ALG8: variants seen among roughly 807,000 people sequenced by gnomAD.
ALG8 encodes the protein ALG8 alpha-1,3-glucosyltransferase.
Under a neutral mutation model 70.2 loss-of-function variants are expected in ALG8, and 48 were observed. The observed-to-expected ratio is 0.68, with a 90% CI of 0.54 to 0.87. ALG8 has a LOEUF of 0.87. Among genes scored for constraint, ALG8 ranks in the 40% least tolerant of loss-of-function variants. The probability of loss-of-function intolerance (pLI) is 0.00; values close to 1 mark genes in which losing one functional copy is unlikely to be tolerated. For missense variants in ALG8, 572 were observed against 608.7 expected, an observed-to-expected ratio of 0.94 and a Z score of 0.64; for synonymous variants, 234 against 229.0, an observed-to-expected ratio of 1.02 and a Z score of -0.20.
rs769408198 is a variant in ALG8, at chr11:78,112,741, G to C, written c.807C>G (p.Leu269=). 9.3e-6 allele frequency: 15 copies of C among 1,613,894 alleles called. No individual in the cohort carries two copies. The highest frequency in any genetic ancestry group is 1.3e-5 in the African/African-American group (1 of 74,946). ...GACAGAGGCCCCTCTTGAAAGGAAA[G>C]AGTCGGGAAAAGACTTGAGGCAGCT... is the stretch of plus-strand genomic sequence containing the variant. ...LNQLPQVFSR[L]FPFKRGLCHA... is the part of the protein sequence containing the mutation. Residue 269 remains leucine (L), a synonymous_variant, in exon 8 of 13, where the codon CTC becomes CTG. Coordinates refer to ENST00000299626, the MANE Select transcript of ALG8 (RefSeq NM_024079.5).
chr11:78,104,293 CTGT>C, intron 11 of ALG8, 60 bp downstream of exon 11: 1 of 1,399,374 alleles, frequency 7.1e-7, no homozygotes, highest in African/African-American at 1.5e-5. Context: ...ATGTATTAAT[CTGT>C]GGGCCTCGAT....
chr11:78,109,618 C>A, intron 8 of ALG8, 37 bp from the exon 9 acceptor site: 1 of 1,572,988 alleles, frequency 6.4e-7, no homozygotes. Context: ...TTATTTTTAT[C>A]TTTATTACTG....
At chr11:78,103,156 T>C (rs1463716161) in intron 12 of ALG8, among the ~76,000 whole-genome samples, 2 of 151,598 alleles carry the variant, frequency 1.3e-5, no homozygotes, top group Non-Finnish European at 2.9e-5. Context: ...AGAAACCCCA[T>C]CTCTAATAAA....
At chr11:78,109,421 C>T (rs775300260) in intron 9 of ALG8, 21 bp downstream of exon 9, 22 of 1,613,880 alleles carry the variant, frequency 1.4e-5, no homozygotes, top group Admixed American at 1.2e-4. Flanking sequence ...AAGAAATGAG[C>T]ACCATCTGTT....
chr11:78,128,917 T>C (rs998430686), intron 1 of ALG8, among the ~76,000 whole-genome samples: 5 of 151,688 alleles, frequency 3.3e-5, no homozygotes, highest in Non-Finnish European at 7.4e-5. Context: ...CCTGGCCTAC[T>C]CCCAAATTTC....
intron 1 of ALG8, 151 bp downstream of exon 1, chr11:78,139,343 C>G (rs2136958898): frequency 1.3e-6 from 1 of 796,614 alleles, no homozygotes; most frequent in South Asian, 1.6e-5. Context: ...CAAGTAACAA[C>G]TGGCGAAACA....
rs772466059 is a variant in ALG8 at position 78,124,047 on chromosome 11, A to C, written c.342T>G (p.Asp114Glu). 6.2e-7 allele frequency: 1 copy of C among 1,614,084 alleles called. No homozygotes were observed. Among genetic ancestry groups the C allele is most frequent in the Non-Finnish European group, 8.5e-7 (1 of 1,180,046 alleles). The change falls in exon 3 of 13, where the codon GAT (aspartate) becomes GAG (glutamate). Residue 114 changes from aspartate (D) to glutamate (E), a missense_variant. By Grantham distance (45) the Asp-to-Glu change is conservative. Coordinates refer to ENST00000299626, the MANE Select transcript of ALG8 (RefSeq NM_024079.5). ...LFQRFSVIFM[D>E]VLFVYAVREC... is the part of the protein sequence containing the mutation. ...CACGGACAGCATACACAAAGAGTAC[A>C]TCCATAAAGATGACGGAAAATCTCT...
chr11:78,109,348 C>T (rs886771206), intron 9 of ALG8, 94 bp downstream of exon 9: 4 of 1,526,308 alleles, frequency 2.6e-6, no homozygotes, highest in Non-Finnish European at 3.6e-6. Flanking sequence ...ATTTATCCTA[C>T]AGTTGGAAGA....
intron 3 of ALG8, among the ~76,000 whole-genome samples, chr11:78,122,633 T>C (rs1054064785): frequency 3.0e-4 from 46 of 152,156 alleles, no homozygotes; most frequent in African/African-American, 9.7e-4. Context: ...TGAGACACTA[T>C]GCCTGGCCTT....
At chr11:78,102,641 A>G (rs983007424) in intron 12 of ALG8, among the ~76,000 whole-genome samples, 17 of 152,190 alleles carry the variant, frequency 1.1e-4, no homozygotes, top group African/African-American at 3.9e-4. Context: ...ACAGTTATGA[A>G]CCATAAGCAA....
At chr11:78,124,352 C>T in intron 2 of ALG8, 138 bp from the exon 3 acceptor site, 1 of 837,166 alleles carries the variant, frequency 1.2e-6, no homozygotes, top group Non-Finnish European at 1.9e-6. Context: ...CCTGTAACCC[C>T]AGCACTTTGG....
At chr11:78,114,159 CTGAGA>C in intron 6 of ALG8, 102 bp downstream of exon 6, 1 of 1,483,694 alleles carries the variant, frequency 6.7e-7, no homozygotes, top group Non-Finnish European at 9.3e-7. Flanking sequence ...GGATTAGCAG[CTGAGA>C]TATCTGCTGT....
intron 3 of ALG8, 142 bp from the exon 4 acceptor site, chr11:78,121,316 T>C: frequency 1.4e-6 from 1 of 711,184 alleles, no homozygotes; most frequent in South Asian, 1.6e-5. Flanking sequence ...AATTTTTCTT[T>C]TTCTTTTTTT....
rs1860804522 is a variant in ALG8, at chr11:78,121,147, T to C, written c.396A>G (p.Lys132=). ...GCTTTTCTGTAAGTTCTTTACCCACTTTTTTTCCATCAATGCATTTACAGC... is the reference window on the plus strand; with the variant it reads ...GCTTTTCTGTAAGTTCTTTACCCACCTTTTTTCCATCAATGCATTTACAGC... The part of the protein sequence containing the change: ...RECCKCIDGK[K]VGKELTEKPK... The change falls in exon 4 of 13, where the codon AAA becomes AAG. Residue 132 remains lysine (K), a synonymous_variant. Transcript: ENST00000299626. 6.2e-7 allele frequency: 1 copy of C among 1,612,236 alleles called. No homozygotes were observed. The highest frequency in any genetic ancestry group is 8.5e-7 in the Non-Finnish European group (1 of 1,178,836).
chr11:78,110,802 T>C (rs370133706), intron 8 of ALG8, among the ~76,000 whole-genome samples: 140 of 152,294 alleles, frequency 9.2e-4, no homozygotes, highest in African/African-American at 3.2e-3. Flanking sequence ...TACTAACCTC[T>C]TCCCCTTTCC....
chr11:78,111,753 C>T (rs1337898875), intron 8 of ALG8, among the ~76,000 whole-genome samples: 3 of 152,146 alleles, frequency 2.0e-5, no homozygotes, highest in Non-Finnish European at 2.9e-5. Flanking sequence ...TCCCACCAAG[C>T]TAGATTGTAT....
chr11:78,106,933 C>T lies in ALG8; in HGVS notation c.1052G>A (p.Cys351Tyr), dbSNP rs1465272171. 6.2e-7 allele frequency: 1 copy of T among 1,613,900 alleles called. No homozygotes were observed. Among genetic ancestry groups the T allele is most frequent in the Non-Finnish European group, 8.5e-7 (1 of 1,179,952 alleles). ...TLIAILPSIFCLWFKPQGPRG... is the reference protein window; with the variant it reads ...TLIAILPSIFYLWFKPQGPRG... Reference sequence around the variant, plus strand: ...GGGCCCTTGGGGTTTAAACCAAAGACAGAAAATAGAGGGCTAGAAACAACA... The same window carrying T: ...GGGCCCTTGGGGTTTAAACCAAAGATAGAAAATAGAGGGCTAGAAACAACA... Residue 351 changes from cysteine (C) to tyrosine (Y), a missense_variant, in exon 10 of 13, where the codon TGT becomes TAT. Transcript: ENST00000299626.
At chr11:78,109,666 A>C in intron 8 of ALG8, 85 bp from the exon 9 acceptor site, 1 of 1,313,438 alleles carries the variant, frequency 7.6e-7, no homozygotes, top group Non-Finnish European at 1.1e-6. Flanking sequence ...TTGAGGAATA[A>C]AAAGTAAGCT....
rs959735034 is a variant in ALG8, at chr11:78,136,316, A to G, written c.95+3178T>C. ...CGTCTCTACCAAAAAGAAAAAAAAA[A>G]AACAAACCAAAACAAAACACACACA... is the stretch of plus-strand genomic sequence containing the variant. On this transcript the variant is annotated intron_variant, in intron 1 of 12. Transcript: ENST00000299626. Among the ~76,000 whole-genome samples the G allele has an allele frequency of 3.5e-4, 53 of 151,670 alleles. 1 individual carries two copies. Among genetic ancestry groups the G allele is most frequent in the Non-Finnish European group, 6.9e-4 (47 of 67,986 alleles).
Sources: gnomAD v4.1 joint callset for allele counts (sites outside exome capture counted in the v4.1 genomes callset) on GRCh38, gnomAD v4.1.1 for gene constraint, MANE v1.5 for transcripts, NCBI Gene and HGNC (gene_info 2026-07-23, HGNC 2026-07-21) for gene names.